Variants in CAST observed in about 807,000 individuals in gnomAD.
The protein encoded by CAST is MIR583 host.
CAST carries 76 observed loss-of-function variants against 119.6 expected under a neutral mutation model. The observed-to-expected ratio is 0.64, with a 90% confidence interval of 0.53 to 0.77. The LOEUF is 0.77. CAST is among the 30% of genes least tolerant of loss of function. The pLI is 0.00. For synonymous variants in CAST, 319 were observed against 331.6 expected, an observed-to-expected ratio of 0.96 and a Z score of 0.41; for missense variants, 953 against 946.5, an observed-to-expected ratio of 1.01 and a Z score of -0.09.
the CAST span, among the ~76,000 whole-genome samples, chr5:96,152,794 G>A: frequency 6.6e-6 from 1 of 152,184 alleles, no homozygotes; most frequent in Non-Finnish European, 1.5e-5. Context: ...AAATAGAGAA[G>A]GAAGGAGCCT....
chr5:96,120,717 A>T, the CAST span, among the ~76,000 whole-genome samples: 2 of 147,590 alleles, frequency 1.4e-5, no homozygotes, highest in South Asian at 2.1e-4. Context: ...GCATTATTAT[A>T]TGTATATAAT....
the CAST span, among the ~76,000 whole-genome samples, chr5:96,048,021 CAGTT>C: frequency 5.3e-5 from 8 of 152,120 alleles, no homozygotes; most frequent in African/African-American, 1.2e-4. Flanking sequence ...CTGGAATTCT[CAGTT>C]AGAGAAAGCA....
chr5:95,971,943 G>A, the CAST span, among the ~76,000 whole-genome samples: 1 of 149,340 alleles, frequency 6.7e-6, no homozygotes, highest in Non-Finnish European at 1.5e-5. Flanking sequence ...TGTCTTCTTT[G>A]TTTATTTCTT....
At chr5:96,299,154 A>G in the CAST span, among the ~76,000 whole-genome samples, 1 of 152,096 alleles carries the variant, frequency 6.6e-6, no homozygotes, top group South Asian at 2.1e-4. Context: ...CTGAGGCAGT[A>G]GAATTGCTTG....
the CAST span, among the ~76,000 whole-genome samples, chr5:96,291,843 C>CGTGTGTGTGTGTGTGTGT: frequency 2.3e-4 from 30 of 133,058 alleles, no homozygotes; most frequent in African/African-American, 7.5e-4. Context: ...TCCCAGTCTG[C>CGTGTGTGTGTGTGTGTGT]GTGTGTGTGT....
intron 1 of CAST, among the ~76,000 whole-genome samples, chr5:96,654,961 TA>T (rs1748139049): frequency 6.6e-6 from 1 of 152,120 alleles, no homozygotes; most frequent in African/African-American, 2.4e-5. Flanking sequence ...ACTGGGAAAA[TA>T]AAACCAAAAT....
At chr5:96,455,660 C>T in the CAST span, among the ~76,000 whole-genome samples, 3 of 152,328 alleles carry the variant, frequency 2.0e-5, no homozygotes, top group South Asian at 6.2e-4. Context: ...CGCAGGACCT[C>T]AGTCCTGCCG....
the CAST span, among the ~76,000 whole-genome samples, chr5:96,089,143 A>G: frequency 6.6e-6 from 1 of 150,846 alleles, no homozygotes; most frequent in Non-Finnish European, 1.5e-5. Flanking sequence ...TTCGCACTGA[A>G]GGAAGTATAT....
intron 1 of CAST, among the ~76,000 whole-genome samples, chr5:96,582,108 C>T (rs1026830022): frequency 1.3e-5 from 2 of 152,154 alleles, no homozygotes; most frequent in African/African-American, 2.4e-5. Flanking sequence ...TCTTGCAAGA[C>T]ACCAGCCTGC....
chr5:96,143,645 A>G, the CAST span, among the ~76,000 whole-genome samples: 1 of 152,192 alleles, frequency 6.6e-6, no homozygotes, highest in Non-Finnish European at 1.5e-5. Flanking sequence ...GCTTGGGTAA[A>G]CATTTACTTT....
the CAST span, among the ~76,000 whole-genome samples, chr5:95,996,010 G>A: frequency 2.6e-5 from 4 of 152,122 alleles, no homozygotes; most frequent in Admixed American, 6.6e-5. Flanking sequence ...TTTGATCTCC[G>A]TATTTTCACA....
the CAST span, chr5:96,429,085 A>C: frequency 4.8e-6 from 3 of 627,908 alleles, no homozygotes; most frequent in Non-Finnish European, 2.8e-6. Flanking sequence ...TAGAAATAAT[A>C]CAGATAAACA....
At chr5:96,356,550 T>C in the CAST span, among the ~76,000 whole-genome samples, 1 of 152,228 alleles carries the variant, frequency 6.6e-6, no homozygotes, top group Admixed American at 6.5e-5. Context: ...TTTCTGCATA[T>C]GACTAGCTAG....
At chr5:96,203,068 A>G in the CAST span, among the ~76,000 whole-genome samples, 4 of 152,010 alleles carry the variant, frequency 2.6e-5, no homozygotes, top group African/African-American at 7.2e-5. Context: ...GTGTCTTGAC[A>G]TCTATTTTCT....
the CAST span, among the ~76,000 whole-genome samples, chr5:96,310,784 C>T: frequency 6.7e-6 from 1 of 148,614 alleles, no homozygotes; most frequent in African/African-American, 2.5e-5. Context: ...TCTTTCATTT[C>T]TGGTTTTGTT....
At chr5:96,743,525 T>C in intron 16 of CAST, 1 of 1,470,904 alleles carries the variant, frequency 6.8e-7, no homozygotes, top group Non-Finnish European at 9.0e-7. Flanking sequence ...GCTGTCACAA[T>C]GCCCCATCTC....
At chr5:96,111,775 G>C in the CAST span, among the ~76,000 whole-genome samples, 1 of 152,068 alleles carries the variant, frequency 6.6e-6, no homozygotes, top group East Asian at 1.9e-4. Context: ...GTTATATGTT[G>C]GAGGGCACCA....
At chr5:96,342,278 TAACTC>T in the CAST span, among the ~76,000 whole-genome samples, 1 of 152,228 alleles carries the variant, frequency 6.6e-6, no homozygotes, top group African/African-American at 2.4e-5. Context: ...CAGAAAAACT[TAACTC>T]ATCTGCTTTT....
intron 1 of CAST, among the ~76,000 whole-genome samples, chr5:96,635,987 A>G (rs1747879469): frequency 6.6e-6 from 1 of 152,230 alleles, no homozygotes. Flanking sequence ...GAATACAGCC[A>G]TGTGGAAGAA....
Sources: allele counts gnomAD v4.1 joint callset (sites outside exome capture counted in the v4.1 genomes callset), GRCh38; gene constraint gnomAD v4.1.1; transcripts MANE v1.5; gene names NCBI Gene and HGNC (gene_info 2026-07-23, HGNC 2026-07-21).